Variants in PLCD4 observed in about 807,000 individuals in gnomAD.
PLCD4 encodes 1-phosphatidylinositol 4,5-bisphosphate phosphodiesterase delta-4.
In PLCD4, 63 loss-of-function variants were observed where a neutral mutation model predicts 90.2. That is an observed-to-expected ratio of 0.70 (90% CI 0.57 to 0.86). The LOEUF (loss-of-function observed/expected upper bound fraction) is 0.86, where lower values mean the gene tolerates loss of function less well. Among genes scored for constraint, PLCD4 ranks in the 40% least tolerant of loss-of-function variants. The probability of loss-of-function intolerance (pLI) is 0.00; values close to 1 mark genes in which losing one functional copy is unlikely to be tolerated. For missense variants in PLCD4, 830 were observed against 956.3 expected (o/e 0.87, Z 1.74); for synonymous variants, 294 against 356.5 (o/e 0.82, Z 1.97).
In PLCD4 at chr2:218,630,694, C is replaced by T; in HGVS notation, c.1164C>T (p.Ser388=). Residue 388 remains serine, a synonymous_variant, in exon 9 of 16, where the codon AGC becomes AGT. Transcript: ENST00000450993. ...PVILSLETHC[S]WEQQQTMARH... ...TCTTGTCCCTGGAGACCCACTGCAGCTGGGAGCAGCAGCAGACCATGGCCC... is the reference window on the plus strand; with the variant it reads ...TCTTGTCCCTGGAGACCCACTGCAGTTGGGAGCAGCAGCAGACCATGGCCC... 1 of 1,614,046 alleles carries T rather than the reference C, an allele frequency of 6.2e-7. No individual in the cohort carries two copies. Among genetic ancestry groups the T allele is most frequent in the Non-Finnish European group, 8.5e-7 (1 of 1,179,900 alleles).
chr2:218,617,183 C>T (rs1022834578), intron 3 of PLCD4, among the ~76,000 whole-genome samples: 2 of 143,596 alleles, frequency 1.4e-5, no homozygotes, highest in African/African-American at 5.0e-5. Flanking sequence ...CCAGGATGGT[C>T]TCCATCTCCT....
intron 13 of PLCD4, among the ~76,000 whole-genome samples, 167 bp from the exon 14 acceptor site, chr2:218,635,629 G>A (rs1696685424): frequency 1.3e-5 from 2 of 152,152 alleles, no homozygotes; most frequent in South Asian, 2.1e-4. Flanking sequence ...CACCGTGCCC[G>A]GCCTTTGGGT....
At chr2:218,615,832 C>T (rs1365823382) in intron 2 of PLCD4, 71 bp downstream of exon 2, 5 of 1,603,646 alleles carry the variant, frequency 3.1e-6, no homozygotes, top group Non-Finnish European at 4.3e-6. Context: ...AGGTTGGACC[C>T]CTGTTCCAGA....
intron 9 of PLCD4, 135 bp from the exon 10 acceptor site, chr2:218,632,001 C>A: frequency 2.4e-6 from 2 of 831,056 alleles, no homozygotes; most frequent in Non-Finnish European, 3.7e-6. Flanking sequence ...ATGTATCAAG[C>A]AGCTAATCTC....
intron 15 of PLCD4, 27 bp from the exon 16 acceptor site, chr2:218,636,444 C>T (rs1039527992): frequency 6.2e-7 from 1 of 1,613,892 alleles, no homozygotes; most frequent in Admixed American, 1.7e-5. Flanking sequence ...GGCTGCCTTC[C>T]TAATGCTGTC....
chr2:218,618,869 T>C (rs1695750223), intron 4 of PLCD4, 62 bp downstream of exon 4: 1 of 1,485,506 alleles, frequency 6.7e-7, no homozygotes, highest in Non-Finnish European at 9.2e-7. Flanking sequence ...AGGAGCCAGA[T>C]GCAACAGGTT....
intron 2 of PLCD4, 39 bp from the exon 3 acceptor site, chr2:218,615,863 CCT>C: frequency 1.2e-6 from 2 of 1,611,082 alleles, no homozygotes; most frequent in Non-Finnish European, 1.7e-6. Context: ...GGCCTGCTAC[CCT>C]CTCTGCTGGC....
chr2:218,623,534 CA>C (rs2106141095), intron 6 of PLCD4, among the ~76,000 whole-genome samples: 1 of 152,334 alleles, frequency 6.6e-6, no homozygotes, highest in East Asian at 1.9e-4. Flanking sequence ...GAGAAATTTA[CA>C]TTAATAATAA....
chr2:218,634,530 G>A lies in PLCD4; in HGVS notation c.1796G>A (p.Cys599Tyr), dbSNP rs1696597666. The A allele has an allele frequency of 6.2e-7, 1 of 1,614,060 alleles. No individual in the cohort carries two copies. Among genetic ancestry groups the A allele is most frequent in the Non-Finnish European group, 8.5e-7 (1 of 1,179,906 alleles). ...GGGCATTTCCGCCAGAATGGCGGCT[G>A]TGGCTATGTGCTGAAGCCAGACTTC... ...CDGHFRQNGG[C>Y]GYVLKPDFLR... Residue 599 changes from cysteine to tyrosine, a missense_variant, in exon 13 of 16, where the codon TGT becomes TAT. Transcript: ENST00000450993. This position sits in a 1 kb window ranked among gnomAD's most constrained non-coding sequence, Gnocchi z 4.0.
intron 10 of PLCD4, 173 bp from the exon 11 acceptor site, chr2:218,633,432 T>C: frequency 1.3e-6 from 1 of 770,366 alleles, no homozygotes; most frequent in African/African-American, 1.7e-5. Context: ...TGTCAGATTG[T>C]GGCCCAGGCT....
chr2:218,633,383 C>G (rs1266112393), intron 10 of PLCD4: 1 of 706,820 alleles, frequency 1.4e-6, no homozygotes, highest in African/African-American at 1.7e-5. Context: ...TTCCCACCCC[C>G]AGGTTGTGAC....
In PLCD4 at chr2:218,615,955, G is replaced by C; in HGVS notation, c.74G>C (p.Arg25Pro). ...CTGATGCAGGAAGGCATGCCGATGC[G>C]CAAGGTGAGGTCCAAAAGCTGGAAG... is the stretch of plus-strand genomic sequence containing the variant. ...LLLMQEGMPM[R>P]KVRSKSWKKL... Residue 25 changes from arginine (R) to proline (P), a missense_variant, in exon 3 of 16, where the codon CGC becomes CCC. Coordinates refer to ENST00000450993, the MANE Select transcript of PLCD4 (RefSeq NM_032726.4). 6.2e-7 allele frequency: 1 copy of C among 1,614,054 alleles called. No homozygotes were observed. The highest frequency in any genetic ancestry group is 8.5e-7 in the Non-Finnish European group (1 of 1,179,908).
rs1202620612 is a variant in PLCD4, at chr2:218,634,462, C to T, written c.1728C>T (p.Ala576=). The change falls in exon 13 of 16, where the codon GCC becomes GCT. Residue 576 remains alanine (A), a synonymous_variant. Transcript: ENST00000450993. This position sits in a 1 kb window ranked among gnomAD's most constrained non-coding sequence, Gnocchi z 4.0. ...CTTTTCTCCTGGGGCCCTCAGTGGC[C>T]ATGAATATGCAGACTGCAGGGCTTG... ...ELWNAGCQMV[A]MNMQTAGLEM... The T allele has an allele frequency of 1.9e-6, 3 of 1,611,156 alleles. No individual in the cohort carries two copies. The highest frequency in any genetic ancestry group is 2.5e-6 in the Non-Finnish European group (3 of 1,178,796).
At chr2:218,633,551 TTCTC>T in intron 10 of PLCD4, 50 bp from the exon 11 acceptor site, 1 of 1,577,860 alleles carries the variant, frequency 6.3e-7, no homozygotes, top group Non-Finnish European at 8.7e-7. Flanking sequence ...CATTATCTTC[TTCTC>T]TCTCAGACTG....
In PLCD4 at chr2:218,634,194, G is replaced by A; in HGVS notation, c.1696G>A (p.Glu566Lys). The change falls in exon 12 of 16, where the codon GAA becomes AAA. Residue 566 changes from glutamate (E) to lysine (K), a missense_variant. Glu to Lys is a moderately conservative substitution (Grantham distance 56). Transcript: ENST00000450993. The surrounding 1 kb of genome is among the most constrained non-coding windows in gnomAD (Gnocchi z 4.0). Reference sequence around the variant, plus strand: ...AGACTCTTCCAACTACAACCCCCAGGAACTCTGGAATGCAGGCTGCCAGAT... The same window carrying A: ...AGACTCTTCCAACTACAACCCCCAGAAACTCTGGAATGCAGGCTGCCAGAT... ...RTDSSNYNPQELWNAGCQMVA... is the reference protein window; with the variant it reads ...RTDSSNYNPQKLWNAGCQMVA... 1 of 1,611,756 alleles carries A rather than the reference G, an allele frequency of 6.2e-7. No individual in the cohort carries two copies. The highest frequency in any genetic ancestry group is 1.7e-5 in the Admixed American group (1 of 59,594).
At position 218,634,231 on chromosome 2, in the gene PLCD4, C is replaced by T. The variant is rs1278969151; in HGVS notation, c.1723+10C>T. 3 of 1,604,308 alleles carry T rather than the reference C, an allele frequency of 1.9e-6. No homozygotes were observed. Among genetic ancestry groups the T allele is most frequent in the South Asian group, 2.2e-5 (2 of 89,622 alleles). On this transcript the variant is annotated intron_variant, in intron 12 of 15. Coordinates refer to ENST00000450993, the MANE Select transcript of PLCD4 (RefSeq NM_032726.4). This position sits in a 1 kb window ranked among gnomAD's most constrained non-coding sequence, Gnocchi z 4.0. ...GCAGGCTGCCAGATGGGTGAGGAGG[C>T]AGCAGGGACTGGGAAGAGGGAGTGG...
Position 218,627,069 on chromosome 2 carries a change from C to T in PLCD4, c.773-960C>T, listed in dbSNP as rs536957388. Among the ~76,000 whole-genome samples the T allele has an allele frequency of 1.3e-4, 19 of 151,384 alleles. No homozygotes were observed. The South Asian group carries it at 2.9e-3, about 23-fold the overall frequency. ...GAGATGGAGACCATCCTGGCTAACA[C>T]GGTGAAACCCTGTCTCTACTAAAAA... On this transcript the variant is annotated intron_variant, in intron 6 of 15. Coordinates refer to ENST00000450993, the MANE Select transcript of PLCD4 (RefSeq NM_032726.4).
At position 218,623,526 on chromosome 2, in the gene PLCD4, G is replaced by A. The variant is rs1695976029; in HGVS notation, c.772+648G>A. The stretch of plus-strand genomic sequence containing the variant: ...GCCCTCCATTCCCTTCGGAGTGTGA[G>A]AAATTTACATTAATAATAAATACTT... On this transcript the variant is annotated intron_variant, in intron 6 of 15. Transcript: ENST00000450993. Among the ~76,000 whole-genome samples, 10 of 152,186 alleles carry A rather than the reference G, an allele frequency of 6.6e-5. No homozygotes were observed. The South Asian group carries it at 2.1e-3, about 31-fold the overall frequency.
intron 11 of PLCD4, 111 bp downstream of exon 11, chr2:218,633,872 AGGAGTT>A: frequency 1.5e-5 from 20 of 1,368,960 alleles, no homozygotes; most frequent in Non-Finnish European, 1.8e-5. Context: ...GGAGAGATGA[AGGAGTT>A]CAGAAACTCC....
Sources: allele counts gnomAD v4.1 joint callset (sites outside exome capture counted in the v4.1 genomes callset), GRCh38; gene constraint gnomAD v4.1.1; non-coding constraint Gnocchi (gnomAD v3.1); transcripts MANE v1.5; gene names NCBI Gene and HGNC (gene_info 2026-07-23, HGNC 2026-07-21).